The following ST6GALNAC3 variants were observed in gnomAD, a reference collection of about 807,000 sequenced individuals.
ST6GALNAC3 encodes the protein ST6 N-acetylgalactosaminide alpha-2,6-sialyltransferase 3.
In ST6GALNAC3, 25 loss-of-function variants were observed where a neutral mutation model predicts 32.7. The observed-to-expected ratio is 0.76, with a 90% CI of 0.56 to 1.07. ST6GALNAC3 has a LOEUF of 1.07. Among genes scored for constraint, ST6GALNAC3 ranks in the 50% least tolerant of loss-of-function variants. The pLI is 0.00. For missense variants in ST6GALNAC3, 355 were observed against 382.4 expected (o/e 0.93, Z 0.60); for synonymous variants, 129 against 133.1 (o/e 0.97, Z 0.21).
At chr1:76,478,517 A>G (rs1438821691) in intron 3 of ST6GALNAC3, among the ~76,000 whole-genome samples, 1 of 152,094 alleles carries the variant, frequency 6.6e-6, no homozygotes. Context: ...GCTAATTTCT[A>G]GGGAGACTTC....
chr1:76,256,840 C>T (rs1479313285), intron 1 of ST6GALNAC3, among the ~76,000 whole-genome samples: 2 of 151,742 alleles, frequency 1.3e-5, no homozygotes, highest in Non-Finnish European at 2.9e-5. Flanking sequence ...TAGAAAAATA[C>T]TCCAGTCACA....
At chr1:76,535,968 G>A (rs1663571116) in intron 3 of ST6GALNAC3, among the ~76,000 whole-genome samples, 1 of 151,862 alleles carries the variant, frequency 6.6e-6, no homozygotes, top group East Asian at 1.9e-4. Context: ...TACTCTTCTT[G>A]GGCAAAAGAA....
intron 2 of ST6GALNAC3, among the ~76,000 whole-genome samples, chr1:76,399,913 T>C (rs1571101238): frequency 6.6e-6 from 1 of 152,176 alleles, no homozygotes; most frequent in African/African-American, 2.4e-5. Flanking sequence ...GATTTGTATC[T>C]AGCAATCCTA....
chr1:76,183,484 G>A (rs368845071), intron 1 of ST6GALNAC3, among the ~76,000 whole-genome samples: 5 of 152,006 alleles, frequency 3.3e-5, no homozygotes, highest in Non-Finnish European at 7.4e-5. Flanking sequence ...GTAAGTGGAT[G>A]TAGACAAGTA....
In ST6GALNAC3 at chr1:76,480,970, G is replaced by C. The variant is rs182760860; in HGVS notation, c.623+68553G>C. On this transcript the variant is annotated intron_variant, in intron 3 of 4. Transcript: ENST00000328299. ...AGTAATTGGCTCATTTCCACAGTTTGTAAGGGACAGAGTTGTAATTCAGGA... is the reference window on the plus strand; with the variant it reads ...AGTAATTGGCTCATTTCCACAGTTTCTAAGGGACAGAGTTGTAATTCAGGA... Among the ~76,000 whole-genome samples the C allele has an allele frequency of 2.7e-3, 405 of 152,164 alleles. 1 individual carries two copies. The highest frequency in any genetic ancestry group is 9.5e-3 in the African/African-American group (394 of 41,534).
At chr1:76,326,049 C>T (rs903961347) in intron 2 of ST6GALNAC3, among the ~76,000 whole-genome samples, 2 of 152,064 alleles carry the variant, frequency 1.3e-5, no homozygotes, top group Non-Finnish European at 2.9e-5. Flanking sequence ...CACCCAAACT[C>T]AGTGGCTTAA....
At chr1:76,358,486 T>G (rs1649672172) in intron 2 of ST6GALNAC3, among the ~76,000 whole-genome samples, 2 of 152,174 alleles carry the variant, frequency 1.3e-5, no homozygotes, top group Admixed American at 1.3e-4. Flanking sequence ...TTTCCAAGCC[T>G]CTAGTTTTTA....
intron 1 of ST6GALNAC3, 45 bp downstream of exon 1, chr1:76,074,929 CT>C (rs1385227800): frequency 6.3e-7 from 1 of 1,574,876 alleles, no homozygotes; most frequent in Non-Finnish European, 8.6e-7. Flanking sequence ...TGGCCAGCCC[CT>C]TGCTGCTCAG....
intron 1 of ST6GALNAC3, among the ~76,000 whole-genome samples, chr1:76,141,570 T>C (rs1414103501): frequency 6.6e-6 from 1 of 152,174 alleles, no homozygotes; most frequent in Non-Finnish European, 1.5e-5. Flanking sequence ...AAGCTTGCCT[T>C]TTCTATAGAT....
intron 3 of ST6GALNAC3, among the ~76,000 whole-genome samples, chr1:76,493,232 GC>G (rs1462131816): frequency 6.6e-6 from 1 of 152,110 alleles, no homozygotes; most frequent in African/African-American, 2.4e-5. Flanking sequence ...AGCTAGAGAG[GC>G]AGATGCTGCC....
chr1:76,387,025 G>A (rs778185312), intron 2 of ST6GALNAC3, among the ~76,000 whole-genome samples: 1 of 152,038 alleles, frequency 6.6e-6, no homozygotes, highest in Non-Finnish European at 1.5e-5. Context: ...TTGCTTTATA[G>A]TGGGCTTTTT....
chr1:76,425,785 T>C (rs1053560229), intron 3 of ST6GALNAC3, among the ~76,000 whole-genome samples: 59 of 152,028 alleles, frequency 3.9e-4, no homozygotes, highest in African/African-American at 1.4e-3. Flanking sequence ...TAAGATATGT[T>C]CTTGAGGCAG....
intron 1 of ST6GALNAC3, among the ~76,000 whole-genome samples, chr1:76,197,926 G>C (rs1331391818): frequency 6.6e-6 from 1 of 152,170 alleles, no homozygotes; most frequent in Non-Finnish European, 1.5e-5. Context: ...AACTAAAATG[G>C]TCTCCAGATA....
At chr1:76,554,879 TTAAG>T (rs1200566430) in intron 3 of ST6GALNAC3, among the ~76,000 whole-genome samples, 5 of 152,182 alleles carry the variant, frequency 3.3e-5, no homozygotes, top group Non-Finnish European at 5.9e-5. Context: ...TTACTAAATG[TTAAG>T]TAAGTGTTAA....
intron 1 of ST6GALNAC3, among the ~76,000 whole-genome samples, chr1:76,250,175 T>C (rs774574452): frequency 2.7e-4 from 41 of 152,352 alleles, no homozygotes; most frequent in Admixed American, 7.8e-4. Context: ...AATCAGAGCC[T>C]AATCCTTAGA....
chr1:76,104,561 C>T (rs2100784094), intron 1 of ST6GALNAC3, among the ~76,000 whole-genome samples: 1 of 151,348 alleles, frequency 6.6e-6, no homozygotes, highest in Admixed American at 6.6e-5. Context: ...GCCCAGAATG[C>T]CAGCTTCTTT....
chr1:76,485,453 G>T (rs1269105806), intron 3 of ST6GALNAC3, among the ~76,000 whole-genome samples: 2 of 152,160 alleles, frequency 1.3e-5, no homozygotes, highest in African/African-American at 4.8e-5. Context: ...AGTCTTGGGA[G>T]GATGTATGTG....
At chr1:76,636,311 A>G (rs1026360615), downstream of ST6GALNAC3, among the ~76,000 whole-genome samples, 2 of 152,104 alleles carry the variant, frequency 1.3e-5, no homozygotes, top group African/African-American at 4.8e-5. Context: ...AGTAGGATAG[A>G]TGTGCCCTCA....
chr1:76,422,139 T>C (rs1353511261), intron 3 of ST6GALNAC3, among the ~76,000 whole-genome samples: 1 of 152,152 alleles, frequency 6.6e-6, no homozygotes, highest in Admixed American at 6.6e-5. Context: ...TTTTGTTCAC[T>C]AATATATCTC....
Sources: allele counts gnomAD v4.1 joint callset (sites outside exome capture counted in the v4.1 genomes callset), GRCh38; gene constraint gnomAD v4.1.1; transcripts MANE v1.5; gene names NCBI Gene and HGNC (gene_info 2026-07-23, HGNC 2026-07-21).